Variants in CIDEB observed in about 807,000 individuals in gnomAD.
CIDEB encodes cell death inducing DFFA like effector b.
CIDEB carries 27 observed loss-of-function variants against 22.4 expected under a neutral mutation model. The ratio of observed to expected loss-of-function variants is 1.21; its 90% CI spans 0.89 to 1.66. The LOEUF is 1.66. CIDEB is among the 40% of genes most tolerant of loss of function. The pLI is 0.00. For missense variants in CIDEB, 289 were observed against 268.7 expected (o/e 1.08, Z -0.53); for synonymous variants, 103 against 109.5 (o/e 0.94, Z 0.37).
At chr14:24,310,565 A>G (rs74677590), upstream of CIDEB, 1,577 of 1,269,294 alleles carry the variant, frequency 1.2e-3, 2 homozygotes, top group Non-Finnish European at 1.5e-3. Context: ...GGAAGTAAGG[A>G]GGAGGCATGG....
chr14:24,310,926 C>T (rs1215418099), upstream of CIDEB: 1 of 1,589,454 alleles, frequency 6.3e-7, no homozygotes. Context: ...GCAGGCCTGG[C>T]CGCTGGGCCA....
upstream of CIDEB, chr14:24,311,105 G>A (rs2041685680): frequency 2.5e-6 from 4 of 1,569,310 alleles, no homozygotes; most frequent in East Asian, 4.7e-5. Flanking sequence ...CGGTCTGGCT[G>A]GCCGCCCTGT....
upstream of CIDEB, chr14:24,310,633 G>A (rs541437493): frequency 3.1e-5 from 50 of 1,611,724 alleles, no homozygotes; most frequent in Admixed American, 5.3e-4. Context: ...CGCCCTCTGT[G>A]GCGCCTTCCA....
upstream of CIDEB, chr14:24,308,323 G>A (rs895199432): frequency 5.3e-5 from 12 of 227,898 alleles, no homozygotes; most frequent in South Asian, 1.2e-4. Flanking sequence ...AAGGGAACCC[G>A]GGGCAGAGTG....
At chr14:24,306,780 G>C (rs2041523434) in intron 2 of CIDEB, 2 of 509,472 alleles carry the variant, frequency 3.9e-6, no homozygotes, top group Admixed American at 6.5e-5. Context: ...AGTCACTTCT[G>C]GTTTGGAATT....
At position 24,306,058 on chromosome 14, in the gene CIDEB, T is replaced by C. The variant is rs768385764; in HGVS notation, c.416A>G (p.Tyr139Cys). ...KDIARFTFDV[Y>C]KQNPRDLFGS... The stretch of plus-strand genomic sequence containing the variant: ...AAAGAGGTCTCGAGGGTTTTGCTTG[T>C]ACACGTCAAAGGTGAATCGGGCGAT... Residue 139 changes from tyrosine to cysteine, a missense_variant, in exon 4 of 5, where the codon TAC (tyrosine) becomes TGC (cysteine). Tyr to Cys is a radical substitution (Grantham distance 194). Coordinates refer to ENST00000554411, the MANE Select transcript of CIDEB (RefSeq NM_001393339.1). 6.2e-7 allele frequency: 1 copy of C among 1,614,172 alleles called. No homozygotes were observed. Among genetic ancestry groups the C allele is most frequent in the South Asian group, 1.1e-5 (1 of 91,084 alleles).
upstream of CIDEB, chr14:24,311,135 C>A (rs61998512): frequency 6.3e-7 from 1 of 1,589,266 alleles, no homozygotes; most frequent in Middle Eastern, 1.7e-4. Context: ...TCCCGGCCGC[C>A]GTCTACCGCC....
At position 24,306,087 on chromosome 14, in the gene CIDEB, C is replaced by G. The variant is rs756491712; in HGVS notation, c.387G>C (p.Lys129Asn). 6.2e-7 allele frequency: 1 copy of G among 1,614,146 alleles called. No individual in the cohort carries two copies. The highest frequency in any genetic ancestry group is 8.5e-7 in the Non-Finnish European group (1 of 1,180,014). ...CGTCAAAGGTGAATCGGGCGATGTC[C>G]TTGCTGTGCTTGGGCCTCTCCCGTC... Reference protein sequence around the residue: ...GLGRERPKHSKDIARFTFDVY... With the variant: ...GLGRERPKHSNDIARFTFDVY... The change falls in exon 4 of 5, where the codon AAG becomes AAC. Residue 129 changes from lysine to asparagine, a missense_variant. Physicochemically the swap from Lys to Asn is moderately conservative, Grantham distance 94. Transcript: ENST00000554411.
chr14:24,306,047 G>T lies in CIDEB; in HGVS notation c.427C>A (p.Pro143Thr). ...RFTFDVYKQN[P>T]RDLFGSLNVK... ...TTCAGGCTGCCAAAGAGGTCTCGAG[G>T]GTTTTGCTTGTACACGTCAAAGGTG... The change falls in exon 4 of 5, where the codon CCT (proline) becomes ACT (threonine). Residue 143 changes from proline to threonine, a missense_variant. Transcript: ENST00000554411. 1 of 1,614,136 alleles carries T rather than the reference G, an allele frequency of 6.2e-7. No homozygotes were observed. The highest frequency in any genetic ancestry group is 8.5e-7 in the Non-Finnish European group (1 of 1,180,022).
At chr14:24,310,992 C>T, upstream of CIDEB, 20 of 1,589,260 alleles carry the variant, frequency 1.3e-5, no homozygotes, top group Non-Finnish European at 1.7e-5. Context: ...CGCCAGCGTG[C>T]TGCTCACCGG....
upstream of CIDEB, chr14:24,308,588 T>C (rs973559066): frequency 6.5e-6 from 1 of 153,184 alleles, no homozygotes; most frequent in Non-Finnish European, 1.5e-5. Flanking sequence ...CTCACTTTTC[T>C]CCTTTTGCCG....
upstream of CIDEB, chr14:24,310,881 C>T: frequency 6.3e-7 from 1 of 1,592,380 alleles, no homozygotes; most frequent in Non-Finnish European, 8.5e-7. Context: ...CGCGGTGCTG[C>T]TGCTCACGCC....
intron 1 of CIDEB, 76 bp from the exon 2 acceptor site, chr14:24,307,591 T>A: frequency 2.0e-6 from 3 of 1,510,022 alleles, no homozygotes; most frequent in Non-Finnish European, 2.7e-6. Flanking sequence ...GAGGGTAGAG[T>A]GGCTAGAGGG....
Position 24,305,626 on chromosome 14 carries a change from G to C in CIDEB, c.*7C>G. 6.2e-7 allele frequency: 1 copy of C among 1,608,894 alleles called. No homozygotes were observed. The highest frequency in any genetic ancestry group is 1.1e-5 in the South Asian group (1 of 90,318). On this transcript the variant is annotated 3_prime_UTR_variant, in exon 5 of 5. Coordinates refer to ENST00000554411, the MANE Select transcript of CIDEB (RefSeq NM_001393339.1). ...GAATGATTCTGGGGGCAGAAGCTCAGAGCCCCTTAGTAGGAATGGAGGCGG... is the reference window on the plus strand; with the variant it reads ...GAATGATTCTGGGGGCAGAAGCTCACAGCCCCTTAGTAGGAATGGAGGCGG...
At chr14:24,310,944 T>A, upstream of CIDEB, 1 of 1,591,782 alleles carries the variant, frequency 6.3e-7, no homozygotes. Flanking sequence ...CCAGGCGGGC[T>A]GCAAGGCGGT....
chr14:24,307,874 T>A lies in CIDEB; in HGVS notation c.-16A>T. 1.3e-6 allele frequency: 2 copies of A among 1,581,730 alleles called. No homozygotes were observed. Among genetic ancestry groups the A allele is most frequent in the Non-Finnish European group, 1.7e-6 (2 of 1,162,950 alleles). ...GGTACTCCATGGTGGACCGGAGAGT[T>A]CCTTCCCTGGAACTTCTGGGCTGGG... On this transcript the variant is annotated 5_prime_UTR_variant, in exon 1 of 5. Coordinates refer to ENST00000554411, the MANE Select transcript of CIDEB (RefSeq NM_001393339.1).
chr14:24,309,027 T>C (rs2041607025), upstream of CIDEB: 1 of 152,288 alleles, frequency 6.6e-6, no homozygotes, highest in Non-Finnish European at 1.5e-5. Flanking sequence ...TTGTTTTGGA[T>C]ATACCCAGGT....
upstream of CIDEB, chr14:24,310,957 A>T: frequency 1.3e-6 from 2 of 1,592,062 alleles, no homozygotes; most frequent in Non-Finnish European, 1.7e-6. Context: ...AAGGCGGTGT[A>T]CTACGTGTGC....
At chr14:24,307,007 T>G in intron 2 of CIDEB, 1 of 248,566 alleles carries the variant, frequency 4.0e-6, no homozygotes. Flanking sequence ...TATTGCCTTT[T>G]TATAGTTGAA....
Sources: gnomAD v4.1 joint callset for allele counts on GRCh38, gnomAD v4.1.1 for gene constraint, MANE v1.5 for transcripts, NCBI Gene and HGNC (gene_info 2026-07-23, HGNC 2026-07-21) for gene names.